Variants in EPM2A observed in about 807,000 individuals in gnomAD.
EPM2A encodes the protein laforin.
EPM2A carries 21 observed loss-of-function variants against 26.5 expected under a neutral mutation model. The observed-to-expected ratio is 0.79, with a 90% CI of 0.56 to 1.14. The LOEUF is 1.14. Ranked by LOEUF, EPM2A falls within the 50% of genes most tolerant of loss-of-function variation. The probability of loss-of-function intolerance (pLI) is 0.00; values close to 1 mark genes in which losing one functional copy is unlikely to be tolerated. For synonymous variants in EPM2A, 217 were observed against 177.6 expected, an observed-to-expected ratio of 1.22 and a Z score of -1.76; for missense variants, 458 against 440.8, an observed-to-expected ratio of 1.04 and a Z score of -0.35.
At chr6:145,670,217 T>C (rs576350525) in intron 2 of EPM2A, 1 of 152,298 alleles carries the variant, frequency 6.6e-6, no homozygotes, top group African/African-American at 2.4e-5. Context: ...CTTTCTAACC[T>C]TCCCTCATTG....
intron 1 of EPM2A, among the ~76,000 whole-genome samples, chr6:145,729,627 C>A (rs1238306498): frequency 3.0e-5 from 1 of 33,072 alleles, no homozygotes; most frequent in African/African-American, 7.9e-5. Context: ...ATGTCTGTAC[C>A]CCCATTGTAT....
At chr6:145,423,674 G>A (rs1402619019) in intron 4 of EPM2A, among the ~76,000 whole-genome samples, 1 of 152,152 alleles carries the variant, frequency 6.6e-6, no homozygotes, top group Non-Finnish European at 1.5e-5. Flanking sequence ...CCCACTCCCG[G>A]TGACCTTGCC....
At chr6:145,732,390 T>C (rs993656248) in intron 1 of EPM2A, among the ~76,000 whole-genome samples, 4 of 129,236 alleles carry the variant, frequency 3.1e-5, no homozygotes, top group Non-Finnish European at 6.5e-5. Flanking sequence ...AACTGATACA[T>C]ATATCAGAAA....
intron 2 of EPM2A, among the ~76,000 whole-genome samples, chr6:145,568,440 C>T (rs1197996018): frequency 1.3e-5 from 2 of 151,984 alleles, no homozygotes; most frequent in East Asian, 1.9e-4. Context: ...CTCCCTCAGC[C>T]TCCCTGGTAG....
At chr6:145,442,473 G>C (rs1229990747) in intron 4 of EPM2A, among the ~76,000 whole-genome samples, 3 of 152,090 alleles carry the variant, frequency 2.0e-5, no homozygotes, top group Non-Finnish European at 4.4e-5. Context: ...AGACAAGAGA[G>C]AGAGCCAAGC....
intron 2 of EPM2A, among the ~76,000 whole-genome samples, chr6:145,679,832 G>A (rs977847832): frequency 1.3e-5 from 2 of 152,128 alleles, no homozygotes; most frequent in Non-Finnish European, 2.9e-5. Flanking sequence ...GTTCTTCAGA[G>A]GAGCTTTAAA....
At chr6:145,659,709 T>G (rs1237749232) in intron 2 of EPM2A, among the ~76,000 whole-genome samples, 1 of 152,166 alleles carries the variant, frequency 6.6e-6, no homozygotes, top group Admixed American at 6.5e-5. Flanking sequence ...ATATTTTAAG[T>G]TTGTCCTAAA....
In EPM2A at chr6:145,681,402, T is replaced by A. The variant is rs533880292; in HGVS notation, c.476+4720A>T. On this transcript the variant is annotated intron_variant, in intron 2 of 3. Coordinates refer to ENST00000367519, the MANE Select transcript of EPM2A (RefSeq NM_005670.4). The stretch of plus-strand genomic sequence containing the variant: ...GCAGAAGCTCTTCAGTTTAATTAGA[T>A]CCCATTTGTCAATTTTGGCTTTTGT... Among the ~76,000 whole-genome samples the A allele has an allele frequency of 8.9e-3, 1,342 of 150,724 alleles. 9 individuals are homozygous for A. The highest frequency in any genetic ancestry group is 0.014 in the Middle Eastern group (4 of 286).
chr6:145,679,368 C>A (rs982308859), intron 2 of EPM2A, among the ~76,000 whole-genome samples: 2 of 151,474 alleles, frequency 1.3e-5, no homozygotes, highest in African/African-American at 4.9e-5. Context: ...TGTAACAAAC[C>A]TGCATGTTGT....
intron 4 of EPM2A, chr6:145,491,169 A>C (rs1415311818): frequency 7.9e-6 from 4 of 507,344 alleles, no homozygotes; most frequent in South Asian, 1.6e-5. Context: ...TCCTGACTTC[A>C]AGGGCTTTCA....
At chr6:145,695,960 TG>T (rs1277036531) in intron 1 of EPM2A, among the ~76,000 whole-genome samples, 1 of 152,018 alleles carries the variant, frequency 6.6e-6, no homozygotes, top group African/African-American at 2.4e-5. Flanking sequence ...CAGAAATATA[TG>T]GCAAAGAATA....
At chr6:145,487,797 G>A (rs992272872) in intron 4 of EPM2A, among the ~76,000 whole-genome samples, 1 of 152,000 alleles carries the variant, frequency 6.6e-6, no homozygotes, top group Non-Finnish European at 1.5e-5. Flanking sequence ...AGTTTCTTTG[G>A]CTGTGCAGAA....
At chr6:145,412,886 G>T (rs1472803958) in intron 4 of EPM2A, among the ~76,000 whole-genome samples, 1 of 152,166 alleles carries the variant, frequency 6.6e-6, no homozygotes, top group Non-Finnish European at 1.5e-5. Context: ...GCAACAGAAT[G>T]AGGGGAAGGC....
At chr6:145,674,775 T>C (rs1779902535) in intron 2 of EPM2A, among the ~76,000 whole-genome samples, 2 of 150,300 alleles carry the variant, frequency 1.3e-5, no homozygotes, top group African/African-American at 2.4e-5. Context: ...CCGAGAAATA[T>C]GGCACTATGT....
rs758599535 is a variant in EPM2A at position 145,635,306 on chromosome 6, T to C, written c.657A>G (p.Lys219=). 9 of 1,614,116 alleles carry C rather than the reference T, an allele frequency of 5.6e-6. No homozygotes were observed. The East Asian group carries it at 1.8e-4, about 32-fold the overall frequency. The stretch of plus-strand genomic sequence containing the variant: ...AGGCCAAGCCTTCTTCCCTATATAG[T>C]TTAATCATAGTGTCTGGAGTCATGG... ...PEPMTPDTMI[K]LYREEGLAYI... The change falls in exon 3 of 4, where the codon AAA becomes AAG. Residue 219 remains lysine (K), a synonymous_variant. Transcript: ENST00000367519.
chr6:145,410,395 G>A (rs1645019247), intron 4 of EPM2A, among the ~76,000 whole-genome samples: 2 of 152,138 alleles, frequency 1.3e-5, no homozygotes, highest in Non-Finnish European at 2.9e-5. Context: ...GGGCAAATTG[G>A]AGCCCTATTG....
At chr6:145,489,723 T>A in intron 4 of EPM2A, 1 of 1,452,334 alleles carries the variant, frequency 6.9e-7, no homozygotes, top group Non-Finnish European at 9.7e-7. Flanking sequence ...CTCAGCATCT[T>A]CGTGATCTTC....
At chr6:145,455,973 C>T (rs181562750) in intron 4 of EPM2A, among the ~76,000 whole-genome samples, 40 of 152,100 alleles carry the variant, frequency 2.6e-4, no homozygotes, top group Non-Finnish European at 5.0e-4. Context: ...TTAAAATTTC[C>T]CAAGATACCC....
At chr6:145,597,565 G>A (rs537190635) in intron 2 of EPM2A, among the ~76,000 whole-genome samples, 5 of 151,254 alleles carry the variant, frequency 3.3e-5, no homozygotes, top group African/African-American at 1.2e-4. Context: ...TGCATAATCA[G>A]TGGGCTTCTT....
Sources: allele counts gnomAD v4.1 joint callset (sites outside exome capture counted in the v4.1 genomes callset), GRCh38; gene constraint gnomAD v4.1.1; transcripts MANE v1.5; gene names NCBI Gene and HGNC (gene_info 2026-07-23, HGNC 2026-07-21).